NKAIN2: variants seen among roughly 807,000 people sequenced by gnomAD.
NKAIN2 encodes sodium/potassium-transporting ATPase subunit beta-1-interacting protein 2.
A neutral mutation model predicts 32.6 loss-of-function variants in NKAIN2; 14 were observed. The ratio of observed to expected loss-of-function variants is 0.43; its 90% confidence interval spans 0.28 to 0.67. The LOEUF (loss-of-function observed/expected upper bound fraction) is 0.67, where lower values mean the gene tolerates loss of function less well. NKAIN2 is among the 30% of genes least tolerant of loss of function. The pLI, the probability that NKAIN2 is intolerant of heterozygous loss-of-function variation, is 0.17. For missense variants in NKAIN2, 198 were observed against 258.3 expected (o/e 0.77, Z 1.60); for synonymous variants, 80 against 87.2 (o/e 0.92, Z 0.46).
intron 1 of NKAIN2, among the ~76,000 whole-genome samples, chr6:123,948,367 C>A (rs962080669): frequency 3.9e-5 from 6 of 151,920 alleles, no homozygotes; most frequent in Non-Finnish European, 7.4e-5. Flanking sequence ...AATTGCTGTA[C>A]TAATTTACAT....
intron 1 of NKAIN2, among the ~76,000 whole-genome samples, chr6:124,180,280 A>G (rs79754204): frequency 0.012 from 1,846 of 152,284 alleles, 37 homozygotes; most frequent in African/African-American, 0.041. Context: ...ATGGCTGGGA[A>G]GACTCATAAT....
At chr6:124,809,649 A>C (rs957767928) in intron 5 of NKAIN2, among the ~76,000 whole-genome samples, 23 of 150,594 alleles carry the variant, frequency 1.5e-4, no homozygotes, top group South Asian at 4.3e-4. Context: ...TAATGAAACT[A>C]AAGAGCTTCT....
intron 2 of NKAIN2, among the ~76,000 whole-genome samples, chr6:124,303,736 AG>A (rs1443446311): frequency 6.6e-6 from 1 of 152,234 alleles, no homozygotes; most frequent in Non-Finnish European, 1.5e-5. Flanking sequence ...GACAATATAA[AG>A]GGTTAATAAA....
At chr6:124,617,317 C>A (rs1392849880) in intron 3 of NKAIN2, among the ~76,000 whole-genome samples, 1 of 152,162 alleles carries the variant, frequency 6.6e-6, no homozygotes, top group Non-Finnish European at 1.5e-5. Flanking sequence ...TCTATTCTCG[C>A]ATTTTTCTTA....
chr6:124,325,478 TAAAA>T (rs761631670), intron 2 of NKAIN2, among the ~76,000 whole-genome samples: 4 of 151,756 alleles, frequency 2.6e-5, no homozygotes, highest in Non-Finnish European at 5.9e-5. Flanking sequence ...TCATAATAAC[TAAAA>T]AAACAGGAAA....
intron 2 of NKAIN2, among the ~76,000 whole-genome samples, chr6:124,321,479 A>G (rs1395642023): frequency 6.6e-6 from 1 of 152,212 alleles, no homozygotes; most frequent in East Asian, 1.9e-4. Context: ...AAAAATTAAA[A>G]AAGAGTTTTG....
chr6:124,432,428 T>TTAGAGAGC (rs573263985), intron 3 of NKAIN2, among the ~76,000 whole-genome samples: 29 of 152,182 alleles, frequency 1.9e-4, no homozygotes, highest in Admixed American at 1.5e-3. Context: ...CTAAGTGCTT[T>TTAGAGAGC]TAGAGAGCTC....
intron 3 of NKAIN2, among the ~76,000 whole-genome samples, chr6:124,500,694 AAAT>A (rs1562223611): frequency 6.6e-6 from 1 of 151,226 alleles, no homozygotes; most frequent in African/African-American, 2.4e-5. Context: ...ATAATAAAAT[AAAT>A]AAAATAAAAT....
chr6:124,018,675 C>A (rs904925431), intron 1 of NKAIN2, among the ~76,000 whole-genome samples: 6 of 152,156 alleles, frequency 3.9e-5, no homozygotes, highest in African/African-American at 1.4e-4. Flanking sequence ...ATCTGAGGCA[C>A]CTCAACCTGG....
At chr6:124,393,627 G>A (rs1773235863) in intron 3 of NKAIN2, among the ~76,000 whole-genome samples, 2 of 152,100 alleles carry the variant, frequency 1.3e-5, no homozygotes, top group Non-Finnish European at 2.9e-5. Flanking sequence ...ATAATAAAAT[G>A]CCAGGTACTG....
intron 1 of NKAIN2, among the ~76,000 whole-genome samples, chr6:124,243,481 C>A (rs1289701223): frequency 6.7e-6 from 1 of 149,498 alleles, no homozygotes; most frequent in East Asian, 2.0e-4. Flanking sequence ...GGTGACAGAA[C>A]AAGACCCCGT....
intron 3 of NKAIN2, among the ~76,000 whole-genome samples, chr6:124,505,134 C>T (rs1338435286): frequency 6.6e-6 from 1 of 151,940 alleles, no homozygotes; most frequent in African/African-American, 2.4e-5. Context: ...AGATCTAAAG[C>T]GAAAACAAAA....
intron 3 of NKAIN2, among the ~76,000 whole-genome samples, chr6:124,468,738 C>T (rs1776857851): frequency 6.6e-6 from 1 of 152,074 alleles, no homozygotes; most frequent in Non-Finnish European, 1.5e-5. Flanking sequence ...ATCGATGAAA[C>T]TTATATATGG....
intron 1 of NKAIN2, among the ~76,000 whole-genome samples, chr6:124,163,139 T>C (rs774076154): frequency 1.3e-5 from 2 of 152,066 alleles, no homozygotes; most frequent in Admixed American, 6.6e-5. Flanking sequence ...ATTCAGTATG[T>C]ATTAATCTAT....
chr6:124,476,097 T>TGTGTGTGTGTGC (rs1491311913), intron 3 of NKAIN2, among the ~76,000 whole-genome samples: 1 of 128,478 alleles, frequency 7.8e-6, no homozygotes, highest in African/African-American at 2.7e-5. Flanking sequence ...TGTGTGTGTG[T>TGTGTGTGTGTGC]GCGTGCGCGC....
At chr6:124,687,430 T>TGTGTATGTATGG (rs1773995898) in intron 4 of NKAIN2, among the ~76,000 whole-genome samples, 3 of 1,260 alleles carry the variant, frequency 2.4e-3, no homozygotes, top group African/African-American at 8.1e-3. Context: ...ATTCCATGTA[T>TGTGTATGTATGG]ACCATATACA....
intron 2 of NKAIN2, among the ~76,000 whole-genome samples, chr6:124,345,094 G>T (rs965362633): frequency 2.6e-5 from 4 of 152,134 alleles, no homozygotes; most frequent in African/African-American, 7.2e-5. Flanking sequence ...AGATAATCAT[G>T]TGGGTTTTGT....
At chr6:124,155,612 GCTATTCTGTGTGTT>G (rs1331121085) in intron 1 of NKAIN2, among the ~76,000 whole-genome samples, 2 of 143,574 alleles carry the variant, frequency 1.4e-5, no homozygotes, top group Non-Finnish European at 3.0e-5. Flanking sequence ...TTTTTTTTTT[GCTATTCTGTGTGTT>G]CCAGAGAGGC....
intron 4 of NKAIN2, among the ~76,000 whole-genome samples, chr6:124,698,795 G>A (rs534823773): frequency 1.4e-3 from 206 of 152,244 alleles, no homozygotes; most frequent in African/African-American, 4.7e-3. Context: ...TTTACAAAAC[G>A]TAGGGGGAAG....
Sources: gnomAD v4.1 joint callset for allele counts (sites outside exome capture counted in the v4.1 genomes callset) on GRCh38, gnomAD v4.1.1 for gene constraint, MANE v1.5 for transcripts, NCBI Gene and HGNC (gene_info 2026-07-23, HGNC 2026-07-21) for gene names.